The following GADL1 variants were observed in gnomAD, a reference collection of about 807,000 sequenced individuals.
GADL1 encodes GAD like acidic amino acid decarboxylase 1.
GADL1 carries 71 observed loss-of-function variants against 69.5 expected under a neutral mutation model. The ratio of observed to expected loss-of-function variants is 1.02; its 90% CI spans 0.84 to 1.25. GADL1 has a LOEUF of 1.25. Among genes scored for constraint, GADL1 ranks in the 50% most tolerant of loss-of-function variants. GADL1 has a pLI of 0.00. For missense variants in GADL1, 737 were observed against 631.8 expected (o/e 1.17, Z -1.79); for synonymous variants, 254 against 214.4 (o/e 1.18, Z -1.62).
intron 14 of GADL1, among the ~76,000 whole-genome samples, chr3:30,756,619 C>CT (rs1278327579): frequency 1.3e-5 from 2 of 152,150 alleles, no homozygotes; most frequent in Non-Finnish European, 2.9e-5. Flanking sequence ...AGGTAACTTC[C>CT]TTTGCAAATA....
chr3:30,755,585 TTGTGTG>T (rs3042991), intron 14 of GADL1, among the ~76,000 whole-genome samples: 9 of 151,580 alleles, frequency 5.9e-5, no homozygotes, highest in Non-Finnish European at 1.2e-4. Flanking sequence ...CCATTTTTGC[TTGTGTG>T]TGTGTGTGAC....
chr3:30,792,705 T>G (rs574094405), intron 12 of GADL1, among the ~76,000 whole-genome samples: 118 of 152,306 alleles, frequency 7.7e-4, no homozygotes, highest in Non-Finnish European at 1.4e-3. Flanking sequence ...TCCTCTCATG[T>G]TCACAAGACA....
In GADL1 at chr3:30,881,269, A is replaced by G. The variant is rs117146010; in HGVS notation, c.37+13309T>C. On this transcript the variant is annotated intron_variant, in intron 1 of 14. Coordinates refer to ENST00000282538, the MANE Select transcript of GADL1 (RefSeq NM_207359.3). ...CAAGCTTCCTATCTGACAAAATCATATAACTAGAACATATGCAAGAATACA... is the reference window on the plus strand; with the variant it reads ...CAAGCTTCCTATCTGACAAAATCATGTAACTAGAACATATGCAAGAATACA... Among the ~76,000 whole-genome samples the G allele has an allele frequency of 4.1e-3, 627 of 152,106 alleles. 17 individuals are homozygous for G. Among genetic ancestry groups the G allele is most frequent in the Admixed American group, 0.028 (421 of 15,256 alleles).
intron 2 of GADL1, among the ~76,000 whole-genome samples, chr3:30,861,261 CGTAA>C (rs1698316388): frequency 2.0e-5 from 3 of 151,038 alleles, no homozygotes; most frequent in African/African-American, 4.9e-5. Context: ...TAGAGAGTTG[CGTAA>C]GTGAGATTAG....
intron 8 of GADL1, among the ~76,000 whole-genome samples, chr3:30,840,091 T>A (rs1697942338): frequency 6.6e-6 from 1 of 152,228 alleles, no homozygotes; most frequent in Non-Finnish European, 1.5e-5. Context: ...ATTTACTGCC[T>A]CTGAAAGTTT....
In GADL1 at chr3:30,784,023, T is replaced by C. The variant is rs534663716; in HGVS notation, c.1302+2332A>G. 2.6e-5 allele frequency among the ~76,000 whole-genome samples: 4 copies of C among 152,198 alleles called. No homozygotes were observed. The South Asian group carries it at 8.3e-4, about 32-fold the overall frequency. On this transcript the variant is annotated intron_variant, in intron 13 of 14. Coordinates refer to ENST00000282538, the MANE Select transcript of GADL1 (RefSeq NM_207359.3). ...ACCAGAGAAAATAACACAACTCAAA[T>C]TGAGAAAATAGAGGAAACTCAAACC...
intron 1 of GADL1, among the ~76,000 whole-genome samples, chr3:30,891,362 T>A (rs149191740): frequency 1.3e-5 from 2 of 152,204 alleles, no homozygotes; most frequent in East Asian, 3.9e-4. Context: ...CTCCCAAAAC[T>A]GACAGCTTTT....
At chr3:30,798,324 T>C (rs1697089454) in intron 12 of GADL1, 1 of 152,638 alleles carries the variant, frequency 6.6e-6, no homozygotes, top group African/African-American at 2.4e-5. Flanking sequence ...GTTCCACAGT[T>C]CCCTGAGGCT....
At chr3:30,887,377 T>C in intron 1 of GADL1, among the ~76,000 whole-genome samples, 1 of 152,102 alleles carries the variant, frequency 6.6e-6, no homozygotes, top group East Asian at 1.9e-4. Flanking sequence ...TTATAGATTA[T>C]TGAGTTAATG....
At chr3:30,764,718 A>AT (rs1293377766) in intron 14 of GADL1, among the ~76,000 whole-genome samples, 3 of 152,220 alleles carry the variant, frequency 2.0e-5, no homozygotes, top group Non-Finnish European at 4.4e-5. Context: ...GATAGACATG[A>AT]TTAGTACCAA....
At chr3:30,815,720 A>G (rs1351936373) in intron 11 of GADL1, among the ~76,000 whole-genome samples, 8 of 152,216 alleles carry the variant, frequency 5.3e-5, no homozygotes, top group Non-Finnish European at 1.2e-4. Flanking sequence ...TAGGTTCCAA[A>G]GGGGATTAAA....
intron 12 of GADL1, among the ~76,000 whole-genome samples, chr3:30,796,828 G>A (rs1242007230): frequency 6.6e-6 from 1 of 151,960 alleles, no homozygotes; most frequent in Non-Finnish European, 1.5e-5. Context: ...TTACTACCGA[G>A]AGTCCTCATA....
chr3:30,762,834 G>C (rs1696172631), intron 14 of GADL1, among the ~76,000 whole-genome samples: 1 of 128,868 alleles, frequency 7.8e-6, no homozygotes, highest in African/African-American at 2.9e-5. Flanking sequence ...CTGAAAACAT[G>C]TGATGTTAGT....
chr3:30,745,573 T>G (rs1695690464), intron 14 of GADL1, among the ~76,000 whole-genome samples: 1 of 152,220 alleles, frequency 6.6e-6, no homozygotes, highest in Admixed American at 6.5e-5. Flanking sequence ...TGTTATTCAT[T>G]AAACTCAGAT....
At chr3:30,826,989 C>T (rs575957259) in intron 11 of GADL1, among the ~76,000 whole-genome samples, 3 of 151,886 alleles carry the variant, frequency 2.0e-5, no homozygotes, top group African/African-American at 7.2e-5. Flanking sequence ...ATAAGACAAA[C>T]AATTTCCATA....
intron 14 of GADL1, among the ~76,000 whole-genome samples, chr3:30,762,910 T>A (rs565424677): frequency 6.6e-6 from 1 of 152,332 alleles, no homozygotes; most frequent in African/African-American, 2.4e-5. Flanking sequence ...TTCAAATGAC[T>A]GGATCTCATT....
intron 11 of GADL1, among the ~76,000 whole-genome samples, chr3:30,817,395 C>T (rs929371028): frequency 2.0e-5 from 3 of 152,128 alleles, no homozygotes; most frequent in African/African-American, 4.8e-5. Context: ...AAGTCATTTC[C>T]TCAATCACAA....
chr3:30,754,719 C>T (rs939332212), intron 14 of GADL1, among the ~76,000 whole-genome samples: 9 of 152,124 alleles, frequency 5.9e-5, no homozygotes, highest in Non-Finnish European at 1.2e-4. Flanking sequence ...CCGTGGCTGA[C>T]AGAGCAAATT....
intron 13 of GADL1, among the ~76,000 whole-genome samples, chr3:30,781,725 T>C (rs763718946): frequency 2.6e-5 from 4 of 152,194 alleles, no homozygotes; most frequent in Non-Finnish European, 5.9e-5. Context: ...AAAATGTAGA[T>C]GATGTCTGCC....
Sources: allele counts gnomAD v4.1 joint callset (sites outside exome capture counted in the v4.1 genomes callset), GRCh38; gene constraint gnomAD v4.1.1; transcripts MANE v1.5; gene names NCBI Gene and HGNC (gene_info 2026-07-23, HGNC 2026-07-21).